Variants in HS6ST3 observed in about 807,000 individuals in gnomAD.
The protein encoded by HS6ST3 is heparan sulfate 6-O-sulfotransferase 3, also known as heparan-sulfate 6-O-sulfotransferase 3.
In HS6ST3, 12 loss-of-function variants were observed where a neutral mutation model predicts 36.7. The ratio of observed to expected loss-of-function variants is 0.33; its 90% CI spans 0.21 to 0.53. HS6ST3 has a LOEUF of 0.53. Among genes scored for constraint, HS6ST3 ranks in the 20% least tolerant of loss-of-function variants. The pLI, the probability that HS6ST3 is intolerant of heterozygous loss-of-function variation, is 0.95. For synonymous variants in HS6ST3, 240 were observed against 257.5 expected (o/e 0.93, Z 0.65); for missense variants, 584 against 640.9 (o/e 0.91, Z 0.96).
At chr13:96,248,636 C>A (rs1351817682) in intron 1 of HS6ST3, among the ~76,000 whole-genome samples, 1 of 152,066 alleles carries the variant, frequency 6.6e-6, no homozygotes, top group Non-Finnish European at 1.5e-5. Context: ...GAAATCCTTG[C>A]TGGATTTGGA....
At chr13:96,277,004 T>C (rs1308515383) in intron 1 of HS6ST3, among the ~76,000 whole-genome samples, 1 of 152,210 alleles carries the variant, frequency 6.6e-6, no homozygotes, top group African/African-American at 2.4e-5. Flanking sequence ...TTACTCACTA[T>C]TCAGTTCTCT....
At chr13:96,546,421 G>A (rs1594804041) in intron 1 of HS6ST3, among the ~76,000 whole-genome samples, 2 of 152,094 alleles carry the variant, frequency 1.3e-5, no homozygotes, top group South Asian at 2.1e-4. Flanking sequence ...AGGGATTGAC[G>A]GTCTGGAGGG....
chr13:96,235,279 G>T (rs1446312612), intron 1 of HS6ST3, among the ~76,000 whole-genome samples: 1 of 152,078 alleles, frequency 6.6e-6, no homozygotes, highest in Non-Finnish European at 1.5e-5. Flanking sequence ...TTTATATTAG[G>T]GGATTATCTA....
chr13:96,618,571 A>G (rs1222980458), intron 1 of HS6ST3, among the ~76,000 whole-genome samples: 1 of 152,138 alleles, frequency 6.6e-6, no homozygotes, highest in Non-Finnish European at 1.5e-5. Context: ...CTTGAGTCTA[A>G]TTTTATATTT....
At chr13:96,173,231 G>A (rs2054196534) in intron 1 of HS6ST3, among the ~76,000 whole-genome samples, 1 of 152,146 alleles carries the variant, frequency 6.6e-6, no homozygotes, top group Admixed American at 6.5e-5. Context: ...AACTAGGTGT[G>A]ATTATCATCA....
rs1052012557 is a variant in HS6ST3 at position 96,834,091 on chromosome 13, A to G, written c.*893A>G. Reference sequence around the variant, plus strand: ...ATTTCTAAACTGGCCACATAACCTTAGATTTTTAAAGGAATATTTCAGAGT... The same window carrying G: ...ATTTCTAAACTGGCCACATAACCTTGGATTTTTAAAGGAATATTTCAGAGT... On this transcript the variant is annotated 3_prime_UTR_variant, in exon 2 of 2. Transcript: ENST00000376705. 6.6e-6 allele frequency: 1 copy of G among 152,236 alleles called. No individual in the cohort carries two copies. The highest frequency in any genetic ancestry group is 1.5e-5 in the Non-Finnish European group (1 of 68,046). The allele number at this position is 152,236 out of a possible 1,614,324, so 9.4% of individuals were successfully genotyped here.
chr13:96,795,646 T>C (rs192457600), intron 1 of HS6ST3, among the ~76,000 whole-genome samples: 4 of 152,258 alleles, frequency 2.6e-5, no homozygotes, highest in African/African-American at 9.6e-5. Flanking sequence ...TGAAAGATTG[T>C]TCTCTTACTC....
chr13:96,754,867 T>C (rs1429082430), intron 1 of HS6ST3, among the ~76,000 whole-genome samples: 1 of 152,122 alleles, frequency 6.6e-6, no homozygotes, highest in Non-Finnish European at 1.5e-5. Context: ...CAATATTACA[T>C]ATTACATTAT....
In HS6ST3 at chr13:96,090,396, C is replaced by T. The variant is rs2053754557; in HGVS notation, c.-467C>T. On this transcript the variant is annotated 5_prime_UTR_variant, in exon 1 of 2. Coordinates refer to ENST00000376705, the MANE Select transcript of HS6ST3 (RefSeq NM_153456.4). Reference sequence around the variant, plus strand: ...GGGCGGCGGGAGCGGGCCGCGCCTTCGCCCTTGGCCGGCGCCCTGGCGAGC... The same window carrying T: ...GGGCGGCGGGAGCGGGCCGCGCCTTTGCCCTTGGCCGGCGCCCTGGCGAGC... 1.4e-5 allele frequency among the ~76,000 whole-genome samples: 2 copies of T among 146,360 alleles called. No individual in the cohort carries two copies. Among genetic ancestry groups the T allele is most frequent in the South Asian group, 2.1e-4 (1 of 4,814 alleles).
rs191316541 is a variant in HS6ST3, at chr13:96,832,669, G to A, written c.887G>A (p.Arg296Gln). The change falls in exon 2 of 2, where the codon CGG becomes CAG. Residue 296 changes from arginine to glutamine, a missense_variant. Around this residue, in one of 3 missense-constraint regions of HS6ST3, gnomAD observed 360 missense variants for 411.3 expected, o/e 0.88. Transcript: ENST00000376705. ...PGDDWSGVSL[R>Q]EFMDCTYNLA... ...GATGACTGGTCTGGGGTCAGCTTGC[G>A]GGAGTTTATGGATTGCACCTACAAC... 122 of 1,614,072 alleles carry A rather than the reference G, an allele frequency of 7.6e-5. No homozygotes were observed. In the Admixed American group the frequency reaches 1.9e-3, roughly 26 times the overall value.
intron 1 of HS6ST3, among the ~76,000 whole-genome samples, chr13:96,386,082 T>C (rs1400627567): frequency 1.3e-5 from 2 of 152,196 alleles, no homozygotes; most frequent in East Asian, 3.8e-4. Context: ...AGACCAGGAA[T>C]AAATTGTGTA....
chr13:96,531,693 A>G (rs1014593913), intron 1 of HS6ST3, among the ~76,000 whole-genome samples: 1 of 152,190 alleles, frequency 6.6e-6, no homozygotes, highest in African/African-American at 2.4e-5. Context: ...TGAAAGCCAA[A>G]TGAGACAACG....
chr13:96,836,258 CT>C lies in HS6ST3; in HGVS notation c.*3062del, dbSNP rs1350998294. 1 of 152,226 alleles carries C rather than the reference CT, an allele frequency of 6.6e-6. No homozygotes were observed. Among genetic ancestry groups the C allele is most frequent in the African/African-American group, 2.4e-5 (1 of 41,456 alleles). 9.4% of individuals were successfully genotyped at this position (152,226 alleles called of 1,614,324 possible). A position where few individuals can be genotyped will look rare whatever the true frequency, so the allele number is the denominator to read the frequency against. ...CCTATTGACTCCTACAGTTCTTTCCCTTCTCTTGGCAATGGAAGCTCCAGTA... is the reference window on the plus strand; with the variant it reads ...CCTATTGACTCCTACAGTTCTTTCCCTCTCTTGGCAATGGAAGCTCCAGTA... On this transcript the variant is annotated 3_prime_UTR_variant, in exon 2 of 2. Transcript: ENST00000376705.
chr13:96,282,464 G>T (rs1360076515), intron 1 of HS6ST3, among the ~76,000 whole-genome samples: 1 of 152,172 alleles, frequency 6.6e-6, no homozygotes, highest in African/African-American at 2.4e-5. Flanking sequence ...TAGAGGAAGA[G>T]CTGGGTATAC....
At chr13:96,735,462 TC>T (rs1399665749) in intron 1 of HS6ST3, among the ~76,000 whole-genome samples, 29 of 152,142 alleles carry the variant, frequency 1.9e-4, no homozygotes, top group Non-Finnish European at 1.5e-5. Context: ...GTAAAGGAAA[TC>T]TTGACATATA....
intron 1 of HS6ST3, among the ~76,000 whole-genome samples, chr13:96,281,415 A>G (rs1319707267): frequency 2.0e-5 from 3 of 152,238 alleles, no homozygotes; most frequent in Non-Finnish European, 4.4e-5. Context: ...ACAACTGTGC[A>G]TGCTTTTTTT....
chr13:96,778,916 A>G (rs1051714542), intron 1 of HS6ST3, among the ~76,000 whole-genome samples: 1 of 152,162 alleles, frequency 6.6e-6, no homozygotes, highest in African/African-American at 2.4e-5. Flanking sequence ...CTTGAAACCA[A>G]CCCAAATGCC....
intron 1 of HS6ST3, among the ~76,000 whole-genome samples, chr13:96,354,744 A>T (rs1925108): frequency 0.32 from 48,216 of 152,066 alleles, 8,535 homozygotes; most frequent in Non-Finnish European, 0.4. Context: ...TTAATCTTCA[A>T]CACAAATTTA....
At chr13:96,328,232 T>C (rs1245193606) in intron 1 of HS6ST3, among the ~76,000 whole-genome samples, 2 of 147,572 alleles carry the variant, frequency 1.4e-5, no homozygotes, top group African/African-American at 2.5e-5. Flanking sequence ...ATAGGAGTGG[T>C]GAGAGAGGGC....
Sources: gnomAD v4.1 joint callset for allele counts (sites outside exome capture counted in the v4.1 genomes callset) on GRCh38, gnomAD v4.1.1 for gene constraint, gnomAD v4.1.1 regional missense constraint, MANE v1.5 for transcripts, NCBI Gene and HGNC (gene_info 2026-07-23, HGNC 2026-07-21) for gene names.